The following FAM107B variants were observed in gnomAD, a reference collection of about 807,000 sequenced individuals.
FAM107B encodes the protein family with sequence similarity 107 member B, also known as protein FAM107B.
A neutral mutation model predicts 31.5 loss-of-function variants in FAM107B; 21 were observed. The ratio of observed to expected loss-of-function variants is 0.67; its 90% CI spans 0.47 to 0.96. The LOEUF (loss-of-function observed/expected upper bound fraction) is 0.96. Ranked by LOEUF, FAM107B falls within the 40% of genes least tolerant of loss-of-function variation. FAM107B has a pLI of 0.00. For synonymous variants in FAM107B, 157 were observed against 141.5 expected, an observed-to-expected ratio of 1.11 and a Z score of -0.78; for missense variants, 452 against 377.1, an observed-to-expected ratio of 1.20 and a Z score of -1.64.
intron 1 of FAM107B, among the ~76,000 whole-genome samples, chr10:14,745,471 G>T (rs546114631): frequency 1.1e-3 from 162 of 152,042 alleles, no homozygotes; most frequent in Non-Finnish European, 1.7e-3. Flanking sequence ...CACTACTTTA[G>T]CTGCATCCCA....
intron 1 of FAM107B, among the ~76,000 whole-genome samples, chr10:14,671,262 A>G (rs1472147792): frequency 6.6e-6 from 1 of 152,242 alleles, no homozygotes; most frequent in African/African-American, 2.4e-5. Context: ...AGCTAAAGAC[A>G]GAGTTCTTTG....
At chr10:14,602,411 A>T (rs1333566134) in intron 2 of FAM107B, 1 of 152,252 alleles carries the variant, frequency 6.6e-6, no homozygotes, top group Non-Finnish European at 1.5e-5. Context: ...ATGTTACAAG[A>T]GGAAAATAAA....
chr10:14,699,169 G>A (rs10906748), intron 1 of FAM107B, among the ~76,000 whole-genome samples: 44,588 of 152,108 alleles, frequency 0.29, 6,833 homozygotes, highest in Non-Finnish European at 0.34. Flanking sequence ...TGTGGAACAG[G>A]GAGAAACAGT....
intron 2 of FAM107B, among the ~76,000 whole-genome samples, chr10:14,645,749 T>A (rs1853736335): frequency 6.6e-6 from 1 of 152,212 alleles, no homozygotes; most frequent in African/African-American, 2.4e-5. Flanking sequence ...ATTTTATTTT[T>A]TTTACTATTC....
In FAM107B at chr10:14,586,289, C is replaced by G. The variant is rs114769843; in HGVS notation, c.470-55774G>C. 2.2e-3 allele frequency among the ~76,000 whole-genome samples: 340 copies of G among 152,204 alleles called. 2 individuals carry two copies. Among genetic ancestry groups the G allele is most frequent in the African/African-American group, 7.8e-3 (324 of 41,512 alleles). On this transcript the variant is annotated intron_variant, in intron 2 of 4. Coordinates refer to ENST00000181796, the MANE Select transcript of FAM107B (RefSeq NM_031453.4). ...ACTGCTTTGCTTTTAAGAATCCTAC[C>G]TGTAGCAAAGAACGTCTCTGTGGTA...
intron 2 of FAM107B, among the ~76,000 whole-genome samples, chr10:14,654,749 T>C (rs1251464476): frequency 1.3e-5 from 2 of 152,186 alleles, no homozygotes; most frequent in Admixed American, 6.5e-5. Flanking sequence ...AGTAACTAAG[T>C]AGATATGCTT....
intron 1 of FAM107B, among the ~76,000 whole-genome samples, chr10:14,758,896 A>AAAAAC: frequency 6.9e-6 from 1 of 144,920 alleles, no homozygotes; most frequent in African/African-American, 2.6e-5. Context: ...AAAAAAAAAA[A>AAAAAC]AGCCAGGCAC....
chr10:14,537,539 G>C (rs894938759), intron 2 of FAM107B, among the ~76,000 whole-genome samples: 5 of 152,158 alleles, frequency 3.3e-5, no homozygotes, highest in African/African-American at 9.6e-5. Flanking sequence ...GCTATGAAGA[G>C]TAAATAAGAA....
chr10:14,755,315 A>T (rs1047863053), intron 1 of FAM107B, among the ~76,000 whole-genome samples: 1 of 151,862 alleles, frequency 6.6e-6, no homozygotes, highest in Non-Finnish European at 1.5e-5. Flanking sequence ...CAAAAGTAAG[A>T]TTCCCCACCT....
At chr10:14,758,537 T>C (rs1381370916) in intron 1 of FAM107B, among the ~76,000 whole-genome samples, 1 of 151,986 alleles carries the variant, frequency 6.6e-6, no homozygotes, top group Non-Finnish European at 1.5e-5. Flanking sequence ...AGTAACTTTT[T>C]AAAAACTCCC....
At chr10:14,742,042 C>T (rs1588747619) in intron 1 of FAM107B, among the ~76,000 whole-genome samples, 1 of 151,844 alleles carries the variant, frequency 6.6e-6, no homozygotes, top group Non-Finnish European at 1.5e-5. Flanking sequence ...ATAAATTTTG[C>T]CCATGAATTA....
intron 2 of FAM107B, among the ~76,000 whole-genome samples, chr10:14,627,634 G>A (rs145720025): frequency 1.5e-3 from 235 of 152,250 alleles, no homozygotes; most frequent in African/African-American, 4.9e-3. Context: ...AAAATTAGCC[G>A]TGGTTGAGCA....
chr10:14,569,545 G>GA (rs1285298761), intron 2 of FAM107B, among the ~76,000 whole-genome samples: 1 of 152,046 alleles, frequency 6.6e-6, no homozygotes, highest in East Asian at 1.9e-4. Flanking sequence ...AAATATAGCA[G>GA]AAAAAAATTC....
intron 2 of FAM107B, among the ~76,000 whole-genome samples, chr10:14,661,021 A>G (rs1356963645): frequency 1.3e-5 from 2 of 151,960 alleles, no homozygotes; most frequent in Non-Finnish European, 2.9e-5. Context: ...TGGTTGTTTA[A>G]AAGTATGTAG....
intron 1 of FAM107B, among the ~76,000 whole-genome samples, chr10:14,731,717 C>A (rs1856178234): frequency 6.6e-6 from 1 of 152,140 alleles, no homozygotes; most frequent in East Asian, 1.9e-4. Context: ...TTTACTGTAC[C>A]TTTTCTATGT....
chr10:14,582,510 G>A (rs1381831790), intron 2 of FAM107B, among the ~76,000 whole-genome samples: 2 of 151,144 alleles, frequency 1.3e-5, no homozygotes, highest in Non-Finnish European at 2.9e-5. Flanking sequence ...CCGAGTAGCT[G>A]GGACTAACAG....
chr10:14,669,199 C>G (rs778405460), intron 1 of FAM107B, among the ~76,000 whole-genome samples: 6 of 151,960 alleles, frequency 3.9e-5, no homozygotes, highest in African/African-American at 1.5e-4. Context: ...GAAACCCCAT[C>G]TCTACAAAAA....
At chr10:14,750,197 C>T (rs1207417201) in intron 1 of FAM107B, among the ~76,000 whole-genome samples, 2 of 152,222 alleles carry the variant, frequency 1.3e-5, no homozygotes, top group African/African-American at 2.4e-5. Context: ...TAAAGGTATC[C>T]CCAGAGACAA....
intron 2 of FAM107B, among the ~76,000 whole-genome samples, chr10:14,583,349 G>A (rs914247920): frequency 2.6e-5 from 4 of 152,102 alleles, no homozygotes; most frequent in African/African-American, 9.7e-5. Flanking sequence ...GGCAGAGTCG[G>A]AGATGAAGAT....
Sources: allele counts gnomAD v4.1 joint callset (sites outside exome capture counted in the v4.1 genomes callset), GRCh38; gene constraint gnomAD v4.1.1; transcripts MANE v1.5; gene names NCBI Gene and HGNC (gene_info 2026-07-23, HGNC 2026-07-21).